APBA1: variants seen among roughly 807,000 people sequenced by gnomAD.
APBA1 encodes the protein amyloid-beta A4 precursor protein-binding family A member 1.
Under a neutral mutation model 86.6 loss-of-function variants are expected in APBA1, and 55 were observed. The observed-to-expected ratio is 0.64, with a 90% CI of 0.51 to 0.80. APBA1 has a LOEUF of 0.80. Ranked by LOEUF, APBA1 falls within the 30% of genes least tolerant of loss-of-function variation. The pLI, the probability that APBA1 is intolerant of heterozygous loss-of-function variation, is 0.00. For synonymous variants in APBA1, 511 were observed against 493.9 expected (o/e 1.03, Z -0.46); for missense variants, 1,090 against 1,183.0 (o/e 0.92, Z 1.15).
chr9:69,571,816 A>T (rs1176217423), intron 1 of APBA1, among the ~76,000 whole-genome samples: 1 of 152,126 alleles, frequency 6.6e-6, no homozygotes, highest in African/African-American at 2.4e-5. Context: ...GGCTATTATA[A>T]CTCATGCTTT....
At chr9:69,582,120 C>T (rs1464528145) in intron 1 of APBA1, among the ~76,000 whole-genome samples, 1 of 152,172 alleles carries the variant, frequency 6.6e-6, no homozygotes, top group Non-Finnish European at 1.5e-5. Context: ...CAATTATTTA[C>T]TTCTCTTCTG....
chr9:69,600,024 G>A (rs2133972683), intron 1 of APBA1, among the ~76,000 whole-genome samples: 1 of 152,306 alleles, frequency 6.6e-6, no homozygotes, highest in East Asian at 1.9e-4. Context: ...GACCAAAGCT[G>A]CCCACACTAA....
At chr9:69,433,270 A>G (rs957144263) in intron 11 of APBA1, among the ~76,000 whole-genome samples, 7 of 152,222 alleles carry the variant, frequency 4.6e-5, no homozygotes, top group Admixed American at 2.6e-4. Context: ...CAGGTACCAC[A>G]GTGACCCGAG....
intron 1 of APBA1, among the ~76,000 whole-genome samples, chr9:69,625,930 T>C (rs1195125132): frequency 2.0e-5 from 3 of 152,166 alleles, no homozygotes; most frequent in Non-Finnish European, 4.4e-5. Context: ...TATCCAGTGC[T>C]ACCCTGATGG....
At chr9:69,497,874 C>A (rs892346471) in intron 2 of APBA1, among the ~76,000 whole-genome samples, 1 of 152,100 alleles carries the variant, frequency 6.6e-6, no homozygotes, top group African/African-American at 2.4e-5. Flanking sequence ...ACAAATGCAG[C>A]CCAGGAGTTC....
intron 2 of APBA1, among the ~76,000 whole-genome samples, chr9:69,482,491 G>T (rs1835529542): frequency 6.6e-6 from 1 of 151,198 alleles, no homozygotes; most frequent in Non-Finnish European, 1.5e-5. Flanking sequence ...TGGAGAGGAT[G>T]TGGAGAAACA....
intron 1 of APBA1, among the ~76,000 whole-genome samples, chr9:69,567,456 G>C (rs1837046149): frequency 6.6e-6 from 1 of 151,324 alleles, no homozygotes; most frequent in Non-Finnish European, 1.5e-5. Context: ...TAAGTTCTAG[G>C]GTACATGTCC....
intron 2 of APBA1, among the ~76,000 whole-genome samples, chr9:69,486,014 C>T (rs1331978): frequency 0.38 from 57,194 of 151,464 alleles, 12,352 homozygotes; most frequent in Non-Finnish European, 0.47. Flanking sequence ...TGCAGTGGTG[C>T]GATCTTGGCT....
At chr9:69,658,272 C>CTTT in intron 1 of APBA1, among the ~76,000 whole-genome samples, 1 of 85,570 alleles carries the variant, frequency 1.2e-5, no homozygotes. Context: ...TTCTTTCTTT[C>CTTT]TTTCTTTCTT....
chr9:69,656,781 T>C (rs1477753030), intron 1 of APBA1, among the ~76,000 whole-genome samples: 1 of 152,134 alleles, frequency 6.6e-6, no homozygotes, highest in Non-Finnish European at 1.5e-5. Flanking sequence ...ATTATCACAT[T>C]GGATGTATTA....
chr9:69,443,047 G>C (rs1219452539), intron 10 of APBA1, among the ~76,000 whole-genome samples: 1 of 152,190 alleles, frequency 6.6e-6, no homozygotes, highest in Non-Finnish European at 1.5e-5. Context: ...TAGATTGAGG[G>C]AGAGGTAGGG....
chr9:69,475,927 A>G, intron 3 of APBA1, 121 bp downstream of exon 3: 1 of 785,478 alleles, frequency 1.3e-6, no homozygotes, highest in Admixed American at 2.0e-5. Context: ...AGAAATCAGG[A>G]TTGTTCTCAC....
rs187836939 is a variant in APBA1 at position 69,492,649 on chromosome 9, A to G, written c.1201-16506T>C. Among the ~76,000 whole-genome samples the G allele has an allele frequency of 1.8e-3, 267 of 152,234 alleles. 1 individual carries two copies. Among genetic ancestry groups the G allele is most frequent in the African/African-American group, 5.6e-3 (234 of 41,552 alleles). ...ATGTCCACTATCTCCCGACCAAGAC[A>G]GTATTTCCAAATGTAAGAGTTGAGG... On this transcript the variant is annotated intron_variant, in intron 2 of 12. Coordinates refer to ENST00000265381, the MANE Select transcript of APBA1 (RefSeq NM_001163.4).
intron 2 of APBA1, among the ~76,000 whole-genome samples, chr9:69,488,912 C>A (rs1412404366): frequency 6.6e-6 from 1 of 151,410 alleles, no homozygotes; most frequent in African/African-American, 2.4e-5. Flanking sequence ...ACCTAGGAAT[C>A]CAACTTACAA....
intron 1 of APBA1, among the ~76,000 whole-genome samples, chr9:69,642,248 AAAC>A (rs2134008679): frequency 6.6e-6 from 1 of 152,380 alleles, no homozygotes; most frequent in Admixed American, 6.5e-5. Context: ...TGGAATACAT[AAAC>A]AACCCTTACA....
chr9:69,588,318 A>G (rs547417552), intron 1 of APBA1, among the ~76,000 whole-genome samples: 2 of 152,292 alleles, frequency 1.3e-5, no homozygotes, highest in East Asian at 3.9e-4. Flanking sequence ...AAAGAGCTAC[A>G]AATGAAACGC....
chr9:69,556,449 C>A (rs909112476), intron 1 of APBA1, among the ~76,000 whole-genome samples: 1 of 152,160 alleles, frequency 6.6e-6, no homozygotes, highest in Admixed American at 6.5e-5. Flanking sequence ...GGAGTTTACA[C>A]AACTGCAGCC....
At chr9:69,483,165 A>C (rs1183283378) in intron 2 of APBA1, among the ~76,000 whole-genome samples, 3 of 139,110 alleles carry the variant, frequency 2.2e-5, no homozygotes, top group African/African-American at 8.0e-5. Flanking sequence ...AACAAAAAAA[A>C]AAAAAAAGAA....
rs561343408 is a variant in APBA1 at position 69,577,226 on chromosome 9, C to T, written c.-69-59947G>A. On this transcript the variant is annotated intron_variant, in intron 1 of 12. Coordinates refer to ENST00000265381, the MANE Select transcript of APBA1 (RefSeq NM_001163.4). ...ATAGAAGACTAGAATTTACTCTTCC[C>T]TATCTAGCTGTAATTTGTGAATAAT... is the stretch of plus-strand genomic sequence containing the variant. Among the ~76,000 whole-genome samples, 4 of 152,328 alleles carry T rather than the reference C, an allele frequency of 2.6e-5. No individual in the cohort carries two copies. In the South Asian group the frequency reaches 6.2e-4, roughly 24 times the overall value.
Sources: allele counts gnomAD v4.1 joint callset (sites outside exome capture counted in the v4.1 genomes callset), GRCh38; gene constraint gnomAD v4.1.1; transcripts MANE v1.5; gene names NCBI Gene and HGNC (gene_info 2026-07-23, HGNC 2026-07-21).